VPS13A: variants seen among roughly 807,000 people sequenced by gnomAD.
VPS13A encodes vacuolar protein sorting 13 homolog A, also known as intermembrane lipid transfer protein VPS13A.
A neutral mutation model predicts 390.9 loss-of-function variants in VPS13A; 264 were observed. The observed-to-expected ratio is 0.68, with a 90% CI of 0.61 to 0.75. The LOEUF (loss-of-function observed/expected upper bound fraction) is 0.75, where lower values mean the gene tolerates loss of function less well. VPS13A is among the 30% of genes least tolerant of loss of function. VPS13A has a pLI of 0.00. For synonymous variants in VPS13A, 1,231 were observed against 1,227.1 expected (o/e 1.00, Z -0.07); for missense variants, 3,409 against 3,733.9 (o/e 0.91, Z 2.27).
intron 45 of VPS13A, among the ~76,000 whole-genome samples, chr9:77,326,246 A>G (rs552258514): frequency 3.3e-5 from 5 of 151,142 alleles, no homozygotes; most frequent in Non-Finnish European, 5.9e-5. Context: ...AGTTTTTTTT[A>G]TGTTCCTTGT....
intron 22 of VPS13A, among the ~76,000 whole-genome samples, chr9:77,254,604 G>A (rs1825337861): frequency 6.6e-6 from 1 of 152,172 alleles, no homozygotes; most frequent in Non-Finnish European, 1.5e-5. Flanking sequence ...TATCAAATCT[G>A]TAGATCCCTT....
chr9:77,263,438 T>C (rs973408144), intron 23 of VPS13A, among the ~76,000 whole-genome samples: 6 of 152,172 alleles, frequency 3.9e-5, no homozygotes, highest in African/African-American at 1.4e-4. Context: ...ACCGACATTC[T>C]AACTGGCATG....
chr9:77,261,326 AT>A (rs1261903506), intron 23 of VPS13A, among the ~76,000 whole-genome samples: 1 of 151,932 alleles, frequency 6.6e-6, no homozygotes, highest in Non-Finnish European at 1.5e-5. Flanking sequence ...GATCTACCTC[AT>A]TTGTTTATGG....
At chr9:77,312,326 C>T (rs1829126815) in intron 35 of VPS13A, among the ~76,000 whole-genome samples, 1 of 151,952 alleles carries the variant, frequency 6.6e-6, no homozygotes, top group South Asian at 2.1e-4. Flanking sequence ...AAATTAATAG[C>T]AACTTTTTAA....
At chr9:77,412,752 A>C (rs2131670084) in intron 71 of VPS13A, among the ~76,000 whole-genome samples, 1 of 152,178 alleles carries the variant, frequency 6.6e-6, no homozygotes, top group East Asian at 1.9e-4. Context: ...TGGCCAGGGC[A>C]ATCAGGCAGG....
chr9:77,416,145 A>T lies in VPS13A; in HGVS notation c.*139A>T. The T allele has an allele frequency of 9.5e-7, 1 of 1,050,220 alleles. No homozygotes were observed. The highest frequency in any genetic ancestry group is 1.4e-6 in the Non-Finnish European group (1 of 706,754). 65.1% of individuals were successfully genotyped at this position (1,050,220 alleles called of 1,614,324 possible). ...GGATGCTAAAAAACAAAAACAAACA[A>T]AAAAACAAAAACAAAAAAACAAAAC... On this transcript the variant is annotated 3_prime_UTR_variant, in exon 72 of 72. Transcript: ENST00000360280.
chr9:77,346,855 C>G (rs545953966), intron 52 of VPS13A, among the ~76,000 whole-genome samples: 1 of 152,344 alleles, frequency 6.6e-6, no homozygotes, highest in Admixed American at 6.5e-5. Context: ...GAAGAACCAG[C>G]CTTGTCTGTA....
intron 19 of VPS13A, among the ~76,000 whole-genome samples, chr9:77,246,655 C>T (rs576612125): frequency 1.1e-4 from 17 of 152,182 alleles, no homozygotes; most frequent in Non-Finnish European, 2.1e-4. Flanking sequence ...GATGCTGATA[C>T]TGGACTTAGG....
At chr9:77,198,711 T>A (rs1230664580) in intron 1 of VPS13A, among the ~76,000 whole-genome samples, 1 of 152,198 alleles carries the variant, frequency 6.6e-6, no homozygotes, top group African/African-American at 2.4e-5. Flanking sequence ...TTGCCCAGGC[T>A]GGAGTGCAGT....
intron 67 of VPS13A, among the ~76,000 whole-genome samples, chr9:77,380,680 G>A (rs1437707596): frequency 6.6e-6 from 1 of 152,146 alleles, no homozygotes; most frequent in Admixed American, 6.5e-5. Flanking sequence ...TATGTTAGCG[G>A]TCCCCAGCCT....
Position 77,293,509 on chromosome 9 carries a change from G to T in VPS13A, c.3507+1G>T. 1 of 1,466,696 alleles carries T rather than the reference G, an allele frequency of 6.8e-7. No homozygotes were observed. Among genetic ancestry groups the T allele is most frequent in the South Asian group, 1.5e-5 (1 of 67,728 alleles). 90.9% of individuals were successfully genotyped at this position (1,466,696 alleles called of 1,614,324 possible). On this transcript the variant is annotated splice_donor_variant, in intron 32 of 71. Transcript: ENST00000360280. LOFTEE classifies it high-confidence loss of function. Reference sequence around the variant, plus strand: ...CACGAAATTTCTATATTCTATATTGGTAAGTATTTTATTAAATTATTATTT... The same window carrying T: ...CACGAAATTTCTATATTCTATATTGTTAAGTATTTTATTAAATTATTATTT...
At chr9:77,281,121 A>C (rs768262069) in intron 27 of VPS13A, among the ~76,000 whole-genome samples, 1 of 144,154 alleles carries the variant, frequency 6.9e-6, no homozygotes, top group Non-Finnish European at 1.5e-5. Context: ...TGGTTACCAG[A>C]GGGTAGCAGG....
At chr9:77,196,171 G>A (rs955615835) in intron 1 of VPS13A, among the ~76,000 whole-genome samples, 8 of 151,852 alleles carry the variant, frequency 5.3e-5, no homozygotes, top group African/African-American at 9.7e-5. Context: ...CTTGCATAAC[G>A]TCAATCTTTT....
At chr9:77,411,970 A>G (rs1834953822) in intron 71 of VPS13A, among the ~76,000 whole-genome samples, 2 of 152,194 alleles carry the variant, frequency 1.3e-5, no homozygotes, top group Admixed American at 1.3e-4. Context: ...AAACACCTCT[A>G]TGCAAATAAA....
At chr9:77,181,528 A>AG (rs1824017042) in intron 1 of VPS13A, among the ~76,000 whole-genome samples, 1 of 151,626 alleles carries the variant, frequency 6.6e-6, no homozygotes, top group Non-Finnish European at 1.5e-5. Flanking sequence ...AAAAAAAAAA[A>AG]AAAAAAAAGA....
intron 67 of VPS13A, among the ~76,000 whole-genome samples, chr9:77,379,244 T>TG (rs1249428277): frequency 1.7e-4 from 26 of 149,892 alleles, no homozygotes; most frequent in African/African-American, 5.9e-4. Context: ...AGCTAATTTT[T>TG]TTTTTTTTTT....
rs1827951696 is a variant in VPS13A at position 77,295,725 on chromosome 9, G to A, written c.3691G>A (p.Val1231Ile). Residue 1231 changes from valine to isoleucine, a missense_variant, in exon 33 of 72, where the codon GTT becomes ATT. Val to Ile is a conservative substitution (Grantham distance 29, BLOSUM62 3). This residue lies in a region of VPS13A where 2,717 missense variants were observed against 2,917.4 expected (regional missense o/e 0.93). Transcript: ENST00000360280. ...PQSPVSENVF[V>I]ADFGLITMTN... ...GTCTCCAGTTTCTGAAAATGTTTTT[G>A]TTGCTGATTTTGGACTAATTACAAT... 4 of 1,613,826 alleles carry A rather than the reference G, an allele frequency of 2.5e-6. No individual in the cohort carries two copies. In the African/African-American group the frequency reaches 5.3e-5, roughly 22 times the overall value.
intron 31 of VPS13A, among the ~76,000 whole-genome samples, chr9:77,288,185 C>A (rs1007765435): frequency 8.6e-5 from 13 of 151,754 alleles, no homozygotes; most frequent in Admixed American, 5.2e-4. Context: ...TAATTTTTGT[C>A]TTTTTATGTC....
chr9:77,390,177 G>A (rs1465193640), intron 68 of VPS13A: 10 of 915,516 alleles, frequency 1.1e-5, no homozygotes, highest in Non-Finnish European at 6.5e-6. Context: ...AAAGGCTATT[G>A]GACTTCACTC....
Sources: gnomAD v4.1 joint callset for allele counts (sites outside exome capture counted in the v4.1 genomes callset) on GRCh38, gnomAD v4.1.1 for gene constraint, gnomAD v4.1.1 regional missense constraint, MANE v1.5 for transcripts, NCBI Gene and HGNC (gene_info 2026-07-23, HGNC 2026-07-21) for gene names.